The following ZNF804A variants were observed in gnomAD, a reference collection of about 807,000 sequenced individuals.
The protein encoded by ZNF804A is zinc finger protein 804A.
Under a neutral mutation model 16.5 loss-of-function variants are expected in ZNF804A, and 2 were observed. The observed-to-expected ratio is 0.12, with a 90% CI of 0.05 to 0.38. The LOEUF (loss-of-function observed/expected upper bound fraction) is 0.38, where lower values mean the gene tolerates loss of function less well. ZNF804A is among the 10% of genes least tolerant of loss of function. The pLI, the probability that ZNF804A is intolerant of heterozygous loss-of-function variation, is 0.99. For missense variants in ZNF804A, 1,473 were observed against 1,390.7 expected, an observed-to-expected ratio of 1.06 and a Z score of -0.94; for synonymous variants, 534 against 489.6, an observed-to-expected ratio of 1.09 and a Z score of -1.20.
intron 1 of ZNF804A, among the ~76,000 whole-genome samples, chr2:184,784,401 A>C (rs1045568322): frequency 2.0e-5 from 3 of 151,958 alleles, no homozygotes; most frequent in Non-Finnish European, 4.4e-5. Flanking sequence ...TAATAATGTA[A>C]ATGTGGGGTT....
At chr2:184,760,051 G>T (rs1314732359) in intron 1 of ZNF804A, among the ~76,000 whole-genome samples, 1 of 151,946 alleles carries the variant, frequency 6.6e-6, no homozygotes. Flanking sequence ...ATCAGTTAAG[G>T]CAAGGACTGC....
At chr2:184,693,341 A>G (rs889687683) in intron 1 of ZNF804A, among the ~76,000 whole-genome samples, 119 of 152,320 alleles carry the variant, frequency 7.8e-4, no homozygotes, top group African/African-American at 2.7e-3. Context: ...TAAGTAGATA[A>G]ATTAATGTCC....
intron 2 of ZNF804A, among the ~76,000 whole-genome samples, chr2:184,870,302 A>G: frequency 6.6e-6 from 1 of 152,026 alleles, no homozygotes; most frequent in East Asian, 1.9e-4. Flanking sequence ...GACACTCAGG[A>G]TAGTGGTTAC....
chr2:184,717,290 C>T (rs1693230162), intron 1 of ZNF804A, among the ~76,000 whole-genome samples: 1 of 151,958 alleles, frequency 6.6e-6, no homozygotes, highest in African/African-American at 2.4e-5. Flanking sequence ...AATTATTTTC[C>T]CAAATTTCTT....
Position 184,753,148 on chromosome 2 carries a change from T to C in ZNF804A, c.112-113221T>C, listed in dbSNP as rs534190541. Among the ~76,000 whole-genome samples, 12 of 151,722 alleles carry C rather than the reference T, an allele frequency of 7.9e-5. No homozygotes were observed. In the East Asian group the frequency reaches 1.4e-3, roughly 17 times the overall value. On this transcript the variant is annotated intron_variant, in intron 1 of 3. Transcript: ENST00000302277. ...GACCTGATGCTGACATAATGATTTGTTGGGGTTTTATATTTGCCTTATAGT... is the reference window on the plus strand; with the variant it reads ...GACCTGATGCTGACATAATGATTTGCTGGGGTTTTATATTTGCCTTATAGT...
chr2:184,854,624 G>A (rs1407757682), intron 1 of ZNF804A, among the ~76,000 whole-genome samples: 1 of 152,006 alleles, frequency 6.6e-6, no homozygotes, highest in African/African-American at 2.4e-5. Context: ...ACAATAATGT[G>A]TGTAATGTCT....
At chr2:184,831,511 T>G (rs1308842778) in intron 1 of ZNF804A, among the ~76,000 whole-genome samples, 1 of 152,084 alleles carries the variant, frequency 6.6e-6, no homozygotes, top group African/African-American at 2.4e-5. Flanking sequence ...AGTTTTTTTG[T>G]TCACATTGCA....
chr2:184,692,296 G>A (rs960689175), intron 1 of ZNF804A, among the ~76,000 whole-genome samples: 1 of 152,164 alleles, frequency 6.6e-6, no homozygotes, highest in Non-Finnish European at 1.5e-5. Flanking sequence ...GTCATGGTGT[G>A]AATGTGTCTG....
At chr2:184,791,061 G>A (rs923473069) in intron 1 of ZNF804A, among the ~76,000 whole-genome samples, 3 of 152,124 alleles carry the variant, frequency 2.0e-5, no homozygotes, top group African/African-American at 4.8e-5. Flanking sequence ...GAGTCTGAAT[G>A]TATCTTTAGC....
Position 184,937,988 on chromosome 2 carries a change from A to C in ZNF804A, c.2592A>C (p.Lys864Asn). The C allele has an allele frequency of 6.2e-7, 1 of 1,614,102 alleles. No homozygotes were observed. The highest frequency in any genetic ancestry group is 8.5e-7 in the Non-Finnish European group (1 of 1,180,008). The stretch of plus-strand genomic sequence containing the variant: ...AAATGAAACCACAAGAAGTTGCAAA[A>C]ATCGAAAGGAACTCAGAACAAACAA... ...KEKMKPQEVA[K>N]IERNSEQTNQ... Residue 864 changes from lysine (K) to asparagine (N), a missense_variant, in exon 4 of 4, where the codon AAA (lysine) becomes AAC (asparagine). Transcript: ENST00000302277.
intron 1 of ZNF804A, among the ~76,000 whole-genome samples, chr2:184,829,294 GAAGT>G (rs1695221533): frequency 6.6e-6 from 1 of 151,788 alleles, no homozygotes; most frequent in Non-Finnish European, 1.5e-5. Context: ...TATAATGTGA[GAAGT>G]ATGTTAGAAT....
intron 1 of ZNF804A, among the ~76,000 whole-genome samples, chr2:184,731,251 CAAA>C (rs563068533): frequency 1.3e-3 from 59 of 45,302 alleles, no homozygotes; most frequent in Non-Finnish European, 1.9e-3. Flanking sequence ...GGCTCCGTCG[CAAA>C]AAAAAAAAAA....
intron 1 of ZNF804A, among the ~76,000 whole-genome samples, chr2:184,731,563 G>GC (rs1214101433): frequency 1.5e-5 from 2 of 132,838 alleles, no homozygotes; most frequent in East Asian, 4.3e-4. Context: ...GGTCTTTAAC[G>GC]CTTTTTTTTT....
chr2:184,731,282 G>GAAAAAAAAAAAAAAAAAA (rs1442043713), intron 1 of ZNF804A, among the ~76,000 whole-genome samples: 1 of 103,762 alleles, frequency 9.6e-6, no homozygotes, highest in Non-Finnish European at 2.1e-5. Context: ...AAAAAAAAAG[G>GAAAAAAAAAAAAAAAAAA]AAAAAAGAAA....
At chr2:184,865,516 T>C (rs1375075937) in intron 1 of ZNF804A, among the ~76,000 whole-genome samples, 1 of 152,046 alleles carries the variant, frequency 6.6e-6, no homozygotes, top group Non-Finnish European at 1.5e-5. Flanking sequence ...CTAGGCTCTT[T>C]TGCCATTATT....
intron 1 of ZNF804A, among the ~76,000 whole-genome samples, chr2:184,768,879 T>A (rs538805926): frequency 6.6e-6 from 1 of 152,210 alleles, no homozygotes; most frequent in Non-Finnish European, 1.5e-5. Flanking sequence ...CTTTAAAAAG[T>A]ATTTAATAAA....
intron 1 of ZNF804A, among the ~76,000 whole-genome samples, chr2:184,837,233 T>C (rs11887199): frequency 0.062 from 9,367 of 152,060 alleles, 965 homozygotes; most frequent in African/African-American, 0.21. Context: ...GTCCTTATTA[T>C]TCCTCCTCAT....
intron 1 of ZNF804A, among the ~76,000 whole-genome samples, chr2:184,696,931 C>A (rs1574167567): frequency 6.6e-6 from 1 of 151,736 alleles, no homozygotes; most frequent in African/African-American, 2.4e-5. Context: ...GAAAAAAAAT[C>A]ACCCAGAAGC....
chr2:184,609,817 G>C (rs1691208155), intron 1 of ZNF804A, among the ~76,000 whole-genome samples: 1 of 152,176 alleles, frequency 6.6e-6, no homozygotes, highest in Admixed American at 6.5e-5. Context: ...ATGTATTTTG[G>C]GGGATACAGA....
Sources: allele counts gnomAD v4.1 joint callset (sites outside exome capture counted in the v4.1 genomes callset), GRCh38; gene constraint gnomAD v4.1.1; transcripts MANE v1.5; gene names NCBI Gene and HGNC (gene_info 2026-07-23, HGNC 2026-07-21).